The following GCNT2 variants were observed in gnomAD, a reference collection of about 807,000 sequenced individuals.
GCNT2 encodes the protein glucosaminyl (N-acetyl) transferase 2 (I blood group), also known as N-acetyllactosaminide beta-1,6-N-acetylglucosaminyl-transferase.
Under a neutral mutation model 34.2 loss-of-function variants are expected in GCNT2, and 34 were observed. That is an observed-to-expected ratio of 1.00 (90% CI 0.76 to 1.32). GCNT2 has a LOEUF of 1.32. GCNT2 is among the 40% of genes most tolerant of loss of function. The probability of loss-of-function intolerance (pLI) is 0.00; values close to 1 mark genes in which losing one functional copy is unlikely to be tolerated. For missense variants in GCNT2, 584 were observed against 489.4 expected (o/e 1.19, Z -1.82); for synonymous variants, 212 against 188.0 (o/e 1.13, Z -1.04).
intron 3 of GCNT2, chr6:10,557,080 C>T (rs775219051): frequency 1.9e-6 from 3 of 1,592,820 alleles, no homozygotes; most frequent in Non-Finnish European, 2.6e-6. Context: ...GGGTGCTGCC[C>T]CCAGCTCATG....
intron 3 of GCNT2, among the ~76,000 whole-genome samples, chr6:10,536,496 A>G (rs1761759517): frequency 6.6e-6 from 1 of 151,390 alleles, no homozygotes; most frequent in Non-Finnish European, 1.5e-5. Context: ...CTGGGACTAC[A>G]GGCGCCCACC....
At chr6:10,556,986 C>T in intron 3 of GCNT2, 5 of 1,613,826 alleles carry the variant, frequency 3.1e-6, no homozygotes, top group Non-Finnish European at 4.2e-6. Context: ...GTTATCAACA[C>T]CTGTGGGCAA....
At chr6:10,546,500 TACAA>T (rs1561790790) in intron 3 of GCNT2, among the ~76,000 whole-genome samples, 4 of 151,802 alleles carry the variant, frequency 2.6e-5, no homozygotes, top group Non-Finnish European at 5.9e-5. Context: ...CTACTAAAAA[TACAA>T]AAAAATTAGC....
intron 3 of GCNT2, among the ~76,000 whole-genome samples, chr6:10,560,061 T>A (rs749302919): frequency 6.6e-6 from 1 of 152,208 alleles, no homozygotes; most frequent in Non-Finnish European, 1.5e-5. Context: ...CTGGTTCTTA[T>A]ATAACCACAC....
At chr6:10,577,611 G>A (rs1277492567) in intron 3 of GCNT2, among the ~76,000 whole-genome samples, 1 of 151,982 alleles carries the variant, frequency 6.6e-6, no homozygotes, top group Non-Finnish European at 1.5e-5. Context: ...CATGATCTCG[G>A]CTCCCTGAAA....
rs772030668 is a variant in GCNT2, at chr6:10,529,459, C to T, written c.548C>T (p.Pro183Leu). The T allele has an allele frequency of 6.2e-7, 1 of 1,614,112 alleles. No individual in the cohort carries two copies. Among genetic ancestry groups the T allele is most frequent in the Non-Finnish European group, 8.5e-7 (1 of 1,180,008 alleles). ...CLEDLVASEV[P>L]WKYVINTCGQ... Reference sequence around the variant, plus strand: ...GAAGACCTTGTGGCCTCTGAAGTTCCCTGGAAGTATGTCATCAACACCTGC... The same window carrying T: ...GAAGACCTTGTGGCCTCTGAAGTTCTCTGGAAGTATGTCATCAACACCTGC... Residue 183 changes from proline (P) to leucine (L), a missense_variant, in exon 3 of 5, where the codon CCC becomes CTC. Coordinates refer to ENST00000495262, the MANE Select transcript of GCNT2 (RefSeq NM_145649.5).
At chr6:10,588,108 A>G (rs1764437099) in intron 3 of GCNT2, among the ~76,000 whole-genome samples, 1 of 152,224 alleles carries the variant, frequency 6.6e-6, no homozygotes, top group East Asian at 1.9e-4. Context: ...GGTGGTCACA[A>G]AAATCTACTT....
chr6:10,563,857 TAAAAA>T (rs1351041484), intron 3 of GCNT2, among the ~76,000 whole-genome samples: 1 of 123,734 alleles, frequency 8.1e-6, no homozygotes, highest in East Asian at 2.5e-4. Context: ...GAAATCAAAA[TAAAAA>T]GAAACATCCA....
At chr6:10,595,005 C>T (rs1385530092) in intron 3 of GCNT2, among the ~76,000 whole-genome samples, 1 of 152,074 alleles carries the variant, frequency 6.6e-6, no homozygotes, top group Non-Finnish European at 1.5e-5. Context: ...CTCACCATGC[C>T]CTGCTAATTT....
At chr6:10,588,998 G>GGT (rs1305862829) in intron 3 of GCNT2, among the ~76,000 whole-genome samples, 1 of 136,866 alleles carries the variant, frequency 7.3e-6, no homozygotes, top group South Asian at 2.4e-4. Context: ...GTGTGGTGTG[G>GGT]GTGTGTGTGT....
chr6:10,600,768 A>T (rs1765058465), intron 3 of GCNT2, among the ~76,000 whole-genome samples: 1 of 151,692 alleles, frequency 6.6e-6, no homozygotes, highest in Admixed American at 6.6e-5. Context: ...ATTTTTATTT[A>T]TTTATTTATT....
At chr6:10,599,594 T>C (rs2127426028) in intron 3 of GCNT2, among the ~76,000 whole-genome samples, 1 of 152,198 alleles carries the variant, frequency 6.6e-6, no homozygotes, top group African/African-American at 2.4e-5. Context: ...CCCCAGAGAA[T>C]TGAGAGCTAT....
intron 3 of GCNT2, among the ~76,000 whole-genome samples, chr6:10,564,497 A>T (rs923100642): frequency 2.0e-5 from 3 of 152,184 alleles, no homozygotes; most frequent in Non-Finnish European, 4.4e-5. Flanking sequence ...AGAGAGAACC[A>T]GGTTGGACTC....
At chr6:10,555,887 G>T in intron 3 of GCNT2, 1 of 996,396 alleles carries the variant, frequency 1.0e-6, no homozygotes, top group Non-Finnish European at 1.2e-6. Context: ...TGGAAGAGCT[G>T]AGAGGCCAGG....
At chr6:10,601,613 C>G (rs1765088038) in intron 3 of GCNT2, among the ~76,000 whole-genome samples, 1 of 151,998 alleles carries the variant, frequency 6.6e-6, no homozygotes, top group Admixed American at 6.6e-5. Context: ...TGAAGATGTC[C>G]ATAATTCTGT....
At chr6:10,582,323 A>G (rs1373765775) in intron 3 of GCNT2, among the ~76,000 whole-genome samples, 4 of 106,562 alleles carry the variant, frequency 3.8e-5, no homozygotes, top group Admixed American at 1.1e-4. Flanking sequence ...GTAATATTAA[A>G]TATAATATAT....
Position 10,589,346 on chromosome 6 carries a change from T to G in GCNT2, c.926-32005T>G, listed in dbSNP as rs935133515. On this transcript the variant is annotated intron_variant, in intron 3 of 4. Transcript: ENST00000495262. ...TGGTGTGTTTGTAGTGTGTGTGTAGTGTGTGGTGTGTTTCTAGTGTGTGTT... is the reference window on the plus strand; with the variant it reads ...TGGTGTGTTTGTAGTGTGTGTGTAGGGTGTGGTGTGTTTCTAGTGTGTGTT... Among the ~76,000 whole-genome samples, 18 of 120,600 alleles carry G rather than the reference T, an allele frequency of 1.5e-4. 1 individual carries two copies. Among genetic ancestry groups the G allele is most frequent in the African/African-American group, 5.0e-4 (18 of 36,140 alleles). The allele number at this position is 120,600 out of a possible 152,430, so 79.1% of individuals were successfully genotyped here.
chr6:10,582,433 T>C (rs1402535866), intron 3 of GCNT2, among the ~76,000 whole-genome samples: 1 of 118,518 alleles, frequency 8.4e-6, no homozygotes, highest in Non-Finnish European at 1.6e-5. Flanking sequence ...ATACTATAAT[T>C]TAATATTTAT....
At chr6:10,590,685 A>G (rs1202812660) in intron 3 of GCNT2, among the ~76,000 whole-genome samples, 1 of 151,364 alleles carries the variant, frequency 6.6e-6, no homozygotes, top group Non-Finnish European at 1.5e-5. Context: ...TCCCGAGTAC[A>G]TGGGATTACA....
Sources: allele counts gnomAD v4.1 joint callset (sites outside exome capture counted in the v4.1 genomes callset), GRCh38; gene constraint gnomAD v4.1.1; transcripts MANE v1.5; gene names NCBI Gene and HGNC (gene_info 2026-07-23, HGNC 2026-07-21).